The following CPNE5 variants were observed in gnomAD, a reference collection of about 807,000 sequenced individuals.
CPNE5 encodes copine 5.
Under a neutral mutation model 81.1 loss-of-function variants are expected in CPNE5, and 42 were observed. The ratio of observed to expected loss-of-function variants is 0.52; its 90% CI spans 0.40 to 0.67. The LOEUF (loss-of-function observed/expected upper bound fraction) is 0.67, where lower values mean the gene tolerates loss of function less well. Among genes scored for constraint, CPNE5 ranks in the 30% least tolerant of loss-of-function variants. CPNE5 has a pLI of 0.00. For missense variants in CPNE5, 612 were observed against 815.5 expected (o/e 0.75, Z 3.04); for synonymous variants, 313 against 321.5 (o/e 0.97, Z 0.28).
intron 12 of CPNE5, among the ~76,000 whole-genome samples, chr6:36,758,890 C>A (rs1296051139): frequency 1.3e-5 from 2 of 152,198 alleles, no homozygotes; most frequent in East Asian, 3.9e-4. Flanking sequence ...CTCTTTAGCA[C>A]TGGAGGACGC....
chr6:36,778,235 T>C (rs557891549), intron 9 of CPNE5, among the ~76,000 whole-genome samples: 1 of 152,288 alleles, frequency 6.6e-6, no homozygotes, highest in East Asian at 1.9e-4. Context: ...CTGCATATAT[T>C]ACTGACCTAC....
intron 3 of CPNE5, among the ~76,000 whole-genome samples, chr6:36,813,636 C>T (rs1394892734): frequency 2.0e-5 from 3 of 152,348 alleles, no homozygotes; most frequent in East Asian, 1.9e-4. Flanking sequence ...ACCTGATGAC[C>T]TCTGTGACCG....
intron 8 of CPNE5, among the ~76,000 whole-genome samples, chr6:36,788,094 AATC>A (rs1192826472): frequency 6.7e-6 from 1 of 149,350 alleles, no homozygotes; most frequent in Non-Finnish European, 1.5e-5. Context: ...GCACTGGTGC[AATC>A]ATGGTTCACT....
intron 11 of CPNE5, 37 bp downstream of exon 11, chr6:36,765,298 C>T: frequency 6.2e-7 from 1 of 1,610,648 alleles, no homozygotes; most frequent in Non-Finnish European, 8.5e-7. Context: ...TCCCCATCCC[C>T]ACTCACCTTC....
At chr6:36,769,289 C>G (rs1414981034) in intron 10 of CPNE5, among the ~76,000 whole-genome samples, 2 of 152,174 alleles carry the variant, frequency 1.3e-5, no homozygotes, top group African/African-American at 4.8e-5. Flanking sequence ...TGTGGCTCTC[C>G]GTGAGTCACA....
At chr6:36,815,951 G>A (rs1029568723) in intron 3 of CPNE5, among the ~76,000 whole-genome samples, 3 of 152,218 alleles carry the variant, frequency 2.0e-5, no homozygotes, top group Non-Finnish European at 2.9e-5. Flanking sequence ...GCCTGGTGAG[G>A]GAGGGGCAGG....
Position 36,839,272 on chromosome 6 carries a change from G to C in CPNE5, c.95+11C>G. On this transcript the variant is annotated intron_variant, in intron 1 of 20. Transcript: ENST00000244751. This position sits in a 1 kb window ranked among gnomAD's most constrained non-coding sequence, Gnocchi z 7.3. The stretch of plus-strand genomic sequence containing the variant: ...GCCGGGGCAAGGGGACCCGGCCAGC[G>C]GGAGGCTCACCTGCAGGACACGGTG... 2.0e-6 allele frequency: 3 copies of C among 1,527,336 alleles called. No individual in the cohort carries two copies. Among genetic ancestry groups the C allele is most frequent in the Non-Finnish European group, 2.7e-6 (3 of 1,131,864 alleles). 94.6% of individuals were successfully genotyped at this position (1,527,336 alleles called of 1,614,324 possible).
At chr6:36,838,409 C>T (rs981325215) in intron 1 of CPNE5, among the ~76,000 whole-genome samples, 3 of 152,232 alleles carry the variant, frequency 2.0e-5, no homozygotes, top group Non-Finnish European at 4.4e-5. Context: ...AGAGACTGAA[C>T]TAGGGAAAAA....
At position 36,829,855 on chromosome 6, in the gene CPNE5, A is replaced by G. The variant is rs75237302; in HGVS notation, c.96-6757T>C. ...AAAGTTGAGTGTAGGAATTGCAAAA[A>G]AAAAAAAAAAAAAATACCCAACAGG... is the stretch of plus-strand genomic sequence containing the variant. On this transcript the variant is annotated intron_variant, in intron 1 of 20. Transcript: ENST00000244751. Among the ~76,000 whole-genome samples, 86 of 144,192 alleles carry G rather than the reference A, an allele frequency of 6.0e-4. 2 individuals carry two copies. In the East Asian group the frequency reaches 0.016, roughly 28 times the overall value. The allele number at this position is 144,192 out of a possible 152,430, so 94.6% of individuals were successfully genotyped here. A position where few individuals can be genotyped will look rare whatever the true frequency, so the allele number is the denominator to read the frequency against.
intron 7 of CPNE5, 149 bp downstream of exon 7, chr6:36,794,441 C>T: frequency 1.4e-6 from 1 of 690,366 alleles, no homozygotes; most frequent in Non-Finnish European, 2.5e-6. Flanking sequence ...AGCCTGGGTG[C>T]CTAAGGAGGA....
chr6:36,802,840 A>G (rs998472349), intron 3 of CPNE5, among the ~76,000 whole-genome samples: 1 of 152,106 alleles, frequency 6.6e-6, no homozygotes, highest in African/African-American at 2.4e-5. Flanking sequence ...ACTTGAGGTG[A>G]GGAGTTTGAG....
chr6:36,819,371 A>G (rs1771840986), intron 3 of CPNE5, among the ~76,000 whole-genome samples: 1 of 152,200 alleles, frequency 6.6e-6, no homozygotes, highest in Non-Finnish European at 1.5e-5. Flanking sequence ...CAGTGCTGGG[A>G]TTACAGGCAT....
At chr6:36,768,225 C>CTTTTTTTT (rs10586762) in intron 10 of CPNE5, among the ~76,000 whole-genome samples, 16 of 60,504 alleles carry the variant, frequency 2.6e-4, no homozygotes, top group African/African-American at 8.3e-4. Flanking sequence ...ATTCACAGTT[C>CTTTTTTTT]TTTTTTTTTT....
At chr6:36,826,989 C>G (rs1017890868) in intron 1 of CPNE5, among the ~76,000 whole-genome samples, 2 of 152,116 alleles carry the variant, frequency 1.3e-5, no homozygotes, top group Non-Finnish European at 2.9e-5. Context: ...GGTCAGCTGT[C>G]GTTGGCCCGG....
chr6:36,769,568 T>C (rs1257318062), intron 10 of CPNE5, among the ~76,000 whole-genome samples: 2 of 152,236 alleles, frequency 1.3e-5, no homozygotes, highest in African/African-American at 4.8e-5. Flanking sequence ...TGACAGGCCC[T>C]GAGGGGTTTT....
intron 3 of CPNE5, among the ~76,000 whole-genome samples, chr6:36,817,539 C>T (rs1407111135): frequency 1.3e-5 from 2 of 152,122 alleles, no homozygotes; most frequent in African/African-American, 2.4e-5. Context: ...CCATGAACTC[C>T]CTGTATTGAC....
intron 8 of CPNE5, among the ~76,000 whole-genome samples, chr6:36,782,922 C>T (rs1314230948): frequency 1.3e-5 from 2 of 151,770 alleles, no homozygotes; most frequent in African/African-American, 4.8e-5. Flanking sequence ...GCTCTGCCAC[C>T]TCCCGGCTGA....
chr6:36,748,162 C>CCA, intron 15 of CPNE5, 59 bp downstream of exon 15: 1 of 1,496,670 alleles, frequency 6.7e-7, no homozygotes, highest in Admixed American at 1.7e-5. Context: ...GGGCCAGATG[C>CCA]CACAGCCCTT....
intron 12 of CPNE5, chr6:36,757,250 A>C (rs558406442): frequency 1.2e-6 from 1 of 854,360 alleles, no homozygotes; most frequent in Non-Finnish European, 1.4e-6. Context: ...CTTTTCCCTA[A>C]TGTCCCATCA....
Sources: allele counts gnomAD v4.1 joint callset (sites outside exome capture counted in the v4.1 genomes callset), GRCh38; gene constraint gnomAD v4.1.1; non-coding constraint Gnocchi (gnomAD v3.1); transcripts MANE v1.5; gene names NCBI Gene and HGNC (gene_info 2026-07-23, HGNC 2026-07-21).